PLEC: variants seen among roughly 807,000 people sequenced by gnomAD.
The protein encoded by PLEC is hemidesmosomal protein 1.
Under a neutral mutation model 392.8 loss-of-function variants are expected in PLEC, and 216 were observed. The ratio of observed to expected loss-of-function variants is 0.55; its 90% CI spans 0.49 to 0.62. PLEC has a LOEUF of 0.62. Ranked by LOEUF, PLEC falls within the 20% of genes least tolerant of loss-of-function variation. The pLI is 0.00. For synonymous variants in PLEC, 3,621 were observed against 2,980.6 expected (o/e 1.21, Z -7.00); for missense variants, 6,863 against 6,563.4 (o/e 1.05, Z -1.58).
At chr8:143,953,854 C>T, upstream of PLEC, 2 of 1,580,228 alleles carry the variant, frequency 1.3e-6, no homozygotes, top group Non-Finnish European at 1.7e-6. Flanking sequence ...AGCGCCGCAG[C>T]CGGGGGAGGA....
chr8:143,955,700 A>G (rs1045465582), upstream of PLEC, among the ~76,000 whole-genome samples: 2 of 151,978 alleles, frequency 1.3e-5, no homozygotes, highest in African/African-American at 4.8e-5. Flanking sequence ...CCTGGGCTCA[A>G]GCGATGCCCC....
rs187338487 is a variant in PLEC at position 143,925,056 on chromosome 8, C to T, written c.4873G>A (p.Glu1625Lys). The change falls in exon 31 of 32, where the codon GAG (glutamate) becomes AAG (lysine). Residue 1625 changes from glutamate to lysine, a missense_variant. Transcript: ENST00000345136. Reference sequence around the variant, plus strand: ...CGCTCCAGCTCCCGCTCTGCCTCCTCGCGCGCCCGCTCGGCCTCGGCCTGC... The same window carrying T: ...CGCTCCAGCTCCCGCTCTGCCTCCTTGCGCGCCCGCTCGGCCTCGGCCTGC... The part of the protein sequence containing the change: ...QQQAEAERAR[E>K]EAERELERWQ... The T allele has an allele frequency of 4.5e-4, 701 of 1,544,966 alleles. 2 individuals are homozygous for T. The African/African-American group carries it at 5.4e-3, about 12-fold the overall frequency.
chr8:143,927,354 A>G lies in PLEC; in HGVS notation c.3757-19T>C. The G allele has an allele frequency of 2.5e-6, 4 of 1,612,210 alleles. No homozygotes were observed. The highest frequency in any genetic ancestry group is 3.4e-6 in the Non-Finnish European group (4 of 1,179,760). ...GCAGGGCCTGGGTGATGGTGTGGTC[A>G]GAGCCGTGGCCGCAGGGCACGCCCA... On this transcript the variant is annotated intron_variant, in intron 27 of 31. Transcript: ENST00000345136.
chr8:143,959,815 T>A (rs1408267113), intron 1 of PLEC, among the ~76,000 whole-genome samples: 1 of 147,522 alleles, frequency 6.8e-6, no homozygotes, highest in Non-Finnish European at 1.5e-5. Context: ...GCTAACACAG[T>A]GAAACCCCAT....
intron 16 of PLEC, 61 bp from the exon 17 acceptor site, chr8:143,932,295 A>T: frequency 6.2e-7 from 1 of 1,607,892 alleles, no homozygotes; most frequent in South Asian, 1.1e-5. Flanking sequence ...CCACGCTCCC[A>T]GCAAACTCGA....
chr8:143,923,792 C>T lies in PLEC; in HGVS notation c.6137G>A (p.Arg2046Gln), dbSNP rs368319141. ...GTGTGCCTTCTCTTCCGCCTGCAGC[C>T]GCTTCTGGGCGGCCTCCTGGGCCAG... ...LQLAQEAAQK[R>Q]LQAEEKAHAF... Residue 2046 changes from arginine (R) to glutamine (Q), a missense_variant, in exon 31 of 32, where the codon CGG becomes CAG. By Grantham distance (43) the Arg-to-Gln change is conservative. Transcript: ENST00000345136. 35 of 1,577,212 alleles carry T rather than the reference C, an allele frequency of 2.2e-5. 1 individual carries two copies. Among genetic ancestry groups the T allele is most frequent in the Admixed American group, 2.1e-4 (12 of 57,412 alleles).
chr8:143,948,992 AG>A (rs1269047473), intron 1 of PLEC, among the ~76,000 whole-genome samples: 2 of 152,166 alleles, frequency 1.3e-5, no homozygotes, highest in African/African-American at 4.8e-5. Flanking sequence ...GGAGCTGGAG[AG>A]GCCACTAAAC....
chr8:143,930,289 G>A lies in PLEC; in HGVS notation c.2467C>T (p.His823Tyr), dbSNP rs1554713464. ...ACCAGCTGGCACTCGTCACCCTTGT[G>A]CACAGTCACCTGGGACGGGCAGAGT... is the stretch of plus-strand genomic sequence containing the variant. ...CDYKQVEVTVHKGDECQLVGP... is the reference protein window; with the variant it reads ...CDYKQVEVTVYKGDECQLVGP... Residue 823 changes from histidine to tyrosine, a missense_variant, in exon 21 of 32, where the codon CAC becomes TAC. Transcript: ENST00000345136. 4 of 1,602,774 alleles carry A rather than the reference G, an allele frequency of 2.5e-6. No individual in the cohort carries two copies. Among genetic ancestry groups the A allele is most frequent in the Non-Finnish European group, 3.4e-6 (4 of 1,178,628 alleles).
chr8:143,920,342 C>T lies in PLEC; in HGVS notation c.9479G>A (p.Arg3160Gln), dbSNP rs782280714. The T allele has an allele frequency of 3.5e-5, 56 of 1,593,224 alleles. No homozygotes were observed. The South Asian group carries it at 4.4e-4, about 13-fold the overall frequency. The stretch of plus-strand genomic sequence containing the variant: ...GCTGGTCTCCTCATCCAGGCAGCCT[C>T]GGGCGCAGGCGACATCCAGGGGCAC... The part of the protein sequence containing the change: ...HRVPLDVACA[R>Q]GCLDEETSRA... The change falls in exon 32 of 32, where the codon CGA becomes CAA. Residue 3160 changes from arginine (R) to glutamine (Q), a missense_variant. Physicochemically the swap from Arg to Gln is conservative, Grantham distance 43. Transcript: ENST00000345136.
Position 143,935,004 on chromosome 8 carries a change from C to T in PLEC, c.825+7G>A, listed in dbSNP as rs1309995441. On this transcript the variant is annotated splice_region_variant and intron_variant, in intron 8 of 31. Transcript: ENST00000345136. ...CAAGCCCCCTGCCCTCCGGGCCCCC[C>T]ACTCACGTTGGCCCTCACCCCATCC... 4 of 1,612,200 alleles carry T rather than the reference C, an allele frequency of 2.5e-6. No homozygotes were observed. The highest frequency in any genetic ancestry group is 2.7e-5 in the African/African-American group (2 of 75,050).
At chr8:143,934,283 G>C in intron 11 of PLEC, 35 bp downstream of exon 11, 3 of 1,609,650 alleles carry the variant, frequency 1.9e-6, no homozygotes, top group Non-Finnish European at 2.5e-6. Context: ...ACACACCCTC[G>C]GGTGGTTCCC....
chr8:143,952,202 ACACACACGCGCG>A (rs1447205149), upstream of PLEC, among the ~76,000 whole-genome samples: 10 of 125,716 alleles, frequency 8.0e-5, no homozygotes, highest in African/African-American at 2.8e-4. Flanking sequence ...ACACACACAC[ACACACACGCGCG>A]CACACACGCA....
rs782359700 is a variant in PLEC, at chr8:143,921,501, C to T, written c.8320G>A (p.Val2774Ile). The part of the protein sequence containing the change: ...HHKLLSAERA[V>I]TGYKDPYTGQ... ...GTGTAGGGGTCCTTGTAGCCAGTGACGGCGCGCTCGGCCGACAGCAGCTTG... is the reference window on the plus strand; with the variant it reads ...GTGTAGGGGTCCTTGTAGCCAGTGATGGCGCGCTCGGCCGACAGCAGCTTG... The change falls in exon 32 of 32, where the codon GTC becomes ATC. Residue 2774 changes from valine (V) to isoleucine (I), a missense_variant. Val to Ile is a conservative substitution (Grantham distance 29). Transcript: ENST00000345136. The T allele has an allele frequency of 2.2e-5, 36 of 1,612,864 alleles. No individual in the cohort carries two copies. The highest frequency in any genetic ancestry group is 6.7e-5 in the East Asian group (3 of 44,888).
Position 143,920,761 on chromosome 8 carries a change from G to A in PLEC, c.9060C>T (p.Leu3020=). ...VAEVDTVRRA[L]RGANVIAGVW... is the part of the protein sequence containing the mutation. ...CACCCGCGATGACGTTGGCACCCCG[G>A]AGAGCCCGCCGCACAGTGTCCACCT... The change falls in exon 32 of 32, where the codon CTC becomes CTT. Residue 3020 remains leucine, a synonymous_variant. Coordinates refer to ENST00000345136, the MANE Select transcript of PLEC (RefSeq NM_201384.3). 6.2e-7 allele frequency: 1 copy of A among 1,605,898 alleles called. No individual in the cohort carries two copies. The highest frequency in any genetic ancestry group is 2.2e-5 in the East Asian group (1 of 44,872).
chr8:143,935,077 G>A lies in PLEC; in HGVS notation c.759C>T (p.Thr253=), dbSNP rs377118309. ...VPQPDEKSII[T]YVSSLYDAMP... is the part of the protein sequence containing the mutation. The stretch of plus-strand genomic sequence containing the variant: ...TGGCGTCATACAGCGACGAGACGTA[G>A]GTGATGATGGACTTCTCGTCGGGCT... The change falls in exon 8 of 32, where the codon ACC becomes ACT. Residue 253 remains threonine (T), a synonymous_variant. Coordinates refer to ENST00000345136, the MANE Select transcript of PLEC (RefSeq NM_201384.3). 7.4e-5 allele frequency: 120 copies of A among 1,612,868 alleles called. No individual in the cohort carries two copies. In the African/African-American group the frequency reaches 1.4e-3, roughly 19 times the overall value.
upstream of PLEC, among the ~76,000 whole-genome samples, chr8:143,953,554 G>C (rs1044756034): frequency 3.9e-5 from 6 of 152,184 alleles, no homozygotes; most frequent in South Asian, 4.1e-4. Flanking sequence ...CCCCGAACCA[G>C]GTGGAGCCCG....
At chr8:143,949,844 TC>T (rs1831927529) in intron 1 of PLEC, among the ~76,000 whole-genome samples, 1 of 152,016 alleles carries the variant, frequency 6.6e-6, no homozygotes, top group Non-Finnish European at 1.5e-5. Flanking sequence ...CCGAGGAGCC[TC>T]GGGGAAGACA....
In PLEC at chr8:143,919,423, C is replaced by G; in HGVS notation, c.10398G>C (p.Glu3466Asp). 1 of 1,613,378 alleles carries G rather than the reference C, an allele frequency of 6.2e-7. No individual in the cohort carries two copies. Among genetic ancestry groups the G allele is most frequent in the Non-Finnish European group, 8.5e-7 (1 of 1,179,860 alleles). Residue 3466 changes from glutamate (E) to aspartate (D), a missense_variant, in exon 32 of 32, where the codon GAG becomes GAC. Coordinates refer to ENST00000345136, the MANE Select transcript of PLEC (RefSeq NM_201384.3). ...VLRQHGIRLL[E>D]AQIATGGIID... Reference sequence around the variant, plus strand: ...TGATGCCGCCCGTGGCGATCTGGGCCTCCAGCAGGCGGATGCCGTGCTGCC... The same window carrying G: ...TGATGCCGCCCGTGGCGATCTGGGCGTCCAGCAGGCGGATGCCGTGCTGCC...
At position 143,920,091 on chromosome 8, in the gene PLEC, C is replaced by G; in HGVS notation, c.9730G>C (p.Gly3244Arg). 1 of 1,613,188 alleles carries G rather than the reference C, an allele frequency of 6.2e-7. No homozygotes were observed. The highest frequency in any genetic ancestry group is 8.5e-7 in the Non-Finnish European group (1 of 1,180,038). The change falls in exon 32 of 32, where the codon GGT becomes CGT. Residue 3244 changes from glycine to arginine, a missense_variant. Coordinates refer to ENST00000345136, the MANE Select transcript of PLEC (RefSeq NM_201384.3). ...FEKTPVEVPV[G>R]GFKGRTVTVW... ...GTCACCGTCCTGCCCTTGAAGCCAC[C>G]CACGGGGACCTCAACCGGGGTCTTT... is the stretch of plus-strand genomic sequence containing the variant.
Sources: gnomAD v4.1 joint callset for allele counts (sites outside exome capture counted in the v4.1 genomes callset) on GRCh38, gnomAD v4.1.1 for gene constraint, MANE v1.5 for transcripts, NCBI Gene and HGNC (gene_info 2026-07-23, HGNC 2026-07-21) for gene names.